The following FAAH2 variants were observed in gnomAD, a reference collection of about 807,000 sequenced individuals.
FAAH2 encodes fatty acid amide hydrolase 2.
In FAAH2, 60 loss-of-function variants were observed where a neutral mutation model predicts 36.9. The ratio of observed to expected loss-of-function variants is 1.63; its 90% CI spans 1.32 to 2.02. FAAH2 has a LOEUF of 2.02. Among genes scored for constraint, FAAH2 ranks in the 30% most tolerant of loss-of-function variants. The pLI is 0.00. For synonymous variants in FAAH2, 214 were observed against 143.8 expected, an observed-to-expected ratio of 1.49 and a Z score of -3.49; for missense variants, 689 against 397.5, an observed-to-expected ratio of 1.73 and a Z score of -6.23.
At chrX:57,402,138 T>C (rs2055452847) in intron 7 of FAAH2, among the ~76,000 whole-genome samples, 1 of 111,855 alleles carries the variant, frequency 8.9e-6, no homozygotes, top group Non-Finnish European at 1.9e-5. Flanking sequence ...ATTGGCTGGC[T>C]CTTGCCCAGG....
At chrX:57,368,230 C>T (rs990993144) in intron 5 of FAAH2, among the ~76,000 whole-genome samples, 1 of 107,646 alleles carries the variant, frequency 9.3e-6, no homozygotes, top group Non-Finnish European at 1.9e-5. Flanking sequence ...CTGAACCCAC[C>T]CCCACCCCCA....
intron 10 of FAAH2, among the ~76,000 whole-genome samples, chrX:57,456,818 A>G (rs1233908388): frequency 9.0e-6 from 1 of 111,407 alleles, no homozygotes; most frequent in Non-Finnish European, 1.9e-5. Flanking sequence ...TACCAACAAA[A>G]AAGAGCCCAG....
the FAAH2 span, among the ~76,000 whole-genome samples, chrX:57,142,880 G>A: frequency 9.0e-6 from 1 of 111,375 alleles, no homozygotes; most frequent in Non-Finnish European, 1.9e-5. Context: ...TCTTTTTACA[G>A]TTTTTGGCTT....
chrX:57,176,122 T>A, the FAAH2 span, among the ~76,000 whole-genome samples: 2 of 111,986 alleles, frequency 1.8e-5, no homozygotes, highest in Admixed American at 9.5e-5. Context: ...TCTGTATCTC[T>A]AGCAAGACCA....
At chrX:57,442,785 G>T (rs1362329623) in intron 8 of FAAH2, among the ~76,000 whole-genome samples, 2 of 111,707 alleles carry the variant, frequency 1.8e-5, no homozygotes, top group African/African-American at 6.5e-5. Flanking sequence ...TCCTTCAGGA[G>T]CTCTTGTAAG....
chrX:57,230,526 T>C, the FAAH2 span, among the ~76,000 whole-genome samples: 17 of 111,890 alleles, frequency 1.5e-4, no homozygotes, highest in Non-Finnish European at 2.8e-4. Flanking sequence ...AATTTAAACC[T>C]ATGTTACACT....
At chrX:57,295,112 G>A (rs1426921969) in intron 2 of FAAH2, among the ~76,000 whole-genome samples, 3 of 111,629 alleles carry the variant, frequency 2.7e-5, no homozygotes, top group Non-Finnish European at 5.6e-5. Context: ...GTGTTGCCTG[G>A]CTGCTGCTTC....
At chrX:57,446,818 G>A in intron 8 of FAAH2, 110 bp from the exon 9 acceptor site, 1 of 450,221 alleles carries the variant, frequency 2.2e-6, no homozygotes. Context: ...CAATTGACTG[G>A]TATTTTACTG....
chrX:57,301,539 C>A (rs1224273366), intron 2 of FAAH2, among the ~76,000 whole-genome samples: 1 of 106,709 alleles, frequency 9.4e-6, no homozygotes, highest in African/African-American at 3.4e-5. Flanking sequence ...GTGCAGCACA[C>A]CAACATGGCG....
chrX:57,186,202 TC>T, the FAAH2 span, among the ~76,000 whole-genome samples: 1 of 112,018 alleles, frequency 8.9e-6, no homozygotes, highest in East Asian at 2.8e-4. Context: ...GTAAAAGTGT[TC>T]CTTTTCCTCC....
Position 57,331,721 on chromosome X carries a change from T to A in FAAH2, c.536T>A (p.Leu179Ter), listed in dbSNP as rs752853788. 8.3e-7 allele frequency: 1 copy of A among 1,211,219 alleles called. No individual in the cohort carries two copies. Among genetic ancestry groups the A allele is most frequent in the East Asian group, 3.0e-5 (1 of 33,810 alleles). Residue 179 changes from leucine to a stop codon, truncating the protein, a stop_gained, in exon 4 of 11, where the codon TTG becomes TAG. Transcript: ENST00000374900. LOFTEE classifies it high-confidence loss of function. ...IPLGITNCSE[L>*]CMWYESSNKI... ...CTTGGCATAACCAACTGTAGTGAGT[T>A]GTGTATGTGGTATGAATCCAGTAAC...
the FAAH2 span, among the ~76,000 whole-genome samples, chrX:57,184,998 T>C: frequency 3.9e-4 from 43 of 111,506 alleles, no homozygotes; most frequent in Non-Finnish European, 7.2e-4. Context: ...GCATGAGATG[T>C]TTCGATACAG....
At chrX:57,257,273 C>T in the FAAH2 span, among the ~76,000 whole-genome samples, 21 of 111,977 alleles carry the variant, frequency 1.9e-4, no homozygotes, top group African/African-American at 5.9e-4. Flanking sequence ...TTCAGAAGAG[C>T]AAAGACTTGG....
chrX:57,310,300 CTATAAT>C (rs1258805423), intron 2 of FAAH2, among the ~76,000 whole-genome samples: 5 of 111,414 alleles, frequency 4.5e-5, no homozygotes, highest in Non-Finnish European at 9.4e-5. Flanking sequence ...TTGTAGATAT[CTATAAT>C]TATTTATTTG....
the FAAH2 span, among the ~76,000 whole-genome samples, chrX:57,189,306 T>C: frequency 1.8e-5 from 2 of 110,329 alleles, no homozygotes; most frequent in East Asian, 5.8e-4. Flanking sequence ...GTCAAGGTTC[T>C]TGGCTTCCCT....
At chrX:57,487,245 CA>C in intron 10 of FAAH2, among the ~76,000 whole-genome samples, 1 of 109,282 alleles carries the variant, frequency 9.2e-6, no homozygotes, top group African/African-American at 3.3e-5. Flanking sequence ...GATACAGCTT[CA>C]AAAGCCCAGG....
chrX:57,180,966 T>G, the FAAH2 span, among the ~76,000 whole-genome samples: 1 of 111,798 alleles, frequency 8.9e-6, no homozygotes, highest in African/African-American at 3.2e-5. Context: ...TTTTCAAGAT[T>G]GCTTCAACAT....
chrX:57,280,535 T>TAAA, the FAAH2 span, among the ~76,000 whole-genome samples: 74 of 104,735 alleles, frequency 7.1e-4, no homozygotes, highest in South Asian at 1.7e-3. Context: ...GGCTAAAATT[T>TAAA]AAAAAAAAAA....
intron 10 of FAAH2, among the ~76,000 whole-genome samples, chrX:57,454,801 AT>A (rs1220330560): frequency 8.9e-6 from 1 of 112,074 alleles, no homozygotes; most frequent in Non-Finnish European, 1.9e-5. Context: ...GAAATATGGG[AT>A]TATGTAAAGA....
Sources: allele counts gnomAD v4.1 joint callset (sites outside exome capture counted in the v4.1 genomes callset), GRCh38; gene constraint gnomAD v4.1.1; transcripts MANE v1.5; gene names NCBI Gene and HGNC (gene_info 2026-07-23, HGNC 2026-07-21).